The following TGM5 variants were observed in gnomAD, a reference collection of about 807,000 sequenced individuals.
TGM5 encodes transglutaminase 5, also known as protein-glutamine gamma-glutamyltransferase 5.
In TGM5, 69 loss-of-function variants were observed where a neutral mutation model predicts 77.2. The observed-to-expected ratio is 0.89, with a 90% CI of 0.74 to 1.09. The LOEUF (loss-of-function observed/expected upper bound fraction) is 1.09, where lower values mean the gene tolerates loss of function less well. TGM5 is among the 50% of genes least tolerant of loss of function. The probability of loss-of-function intolerance (pLI) is 0.00; values close to 1 mark genes in which losing one functional copy is unlikely to be tolerated. For synonymous variants in TGM5, 346 were observed against 351.8 expected (o/e 0.98, Z 0.18); for missense variants, 842 against 896.5 (o/e 0.94, Z 0.78).
chr15:43,239,210 T>C lies in TGM5; in HGVS notation c.1058A>G (p.Tyr353Cys). 6.2e-7 allele frequency: 1 copy of C among 1,614,092 alleles called. No homozygotes were observed. The highest frequency in any genetic ancestry group is 8.5e-7 in the Non-Finnish European group (1 of 1,180,006). The stretch of plus-strand genomic sequence containing the variant: ...GGCGTCCAGCACCTGCCAGCCTCCA[T>C]ATGCAGGGGGCAGATCCTTCCGGGC... Reference protein sequence around the residue: ...WMARKDLPPAYGGWQVLDATP... With the variant: ...WMARKDLPPACGGWQVLDATP... The change falls in exon 8 of 13, where the codon TAT becomes TGT. Residue 353 changes from tyrosine (Y) to cysteine (C), a missense_variant. Tyr to Cys is a radical substitution (Grantham distance 194, BLOSUM62 -2). Transcript: ENST00000220420.
chr15:43,234,738 C>T (rs748522597), intron 11 of TGM5, 31 bp downstream of exon 11: 3 of 1,613,890 alleles, frequency 1.9e-6, no homozygotes, highest in Non-Finnish European at 2.5e-6. Context: ...TCCAAGGAGC[C>T]CCACAAGCCA....
intron 11 of TGM5, among the ~76,000 whole-genome samples, chr15:43,234,454 C>T (rs1355249343): frequency 6.6e-6 from 1 of 152,228 alleles, no homozygotes; most frequent in Non-Finnish European, 1.5e-5. Context: ...TCTCCCCCGA[C>T]CAGAGACCCT....
At chr15:43,263,281 C>T (rs1237883817) in intron 1 of TGM5, among the ~76,000 whole-genome samples, 1 of 152,204 alleles carries the variant, frequency 6.6e-6, no homozygotes, top group Admixed American at 6.5e-5. Flanking sequence ...AGTTTTTCTG[C>T]AGATTCAACA....
chr15:43,261,183 G>T (rs1319043883), intron 1 of TGM5, among the ~76,000 whole-genome samples: 1 of 147,262 alleles, frequency 6.8e-6, no homozygotes, highest in Non-Finnish European at 1.5e-5. Flanking sequence ...TCCGCCTCCC[G>T]GGTTCACGCC....
chr15:43,261,076 GTTTTTTTTTTTTTTT>G (rs1555384178), intron 1 of TGM5, among the ~76,000 whole-genome samples: 6 of 56,884 alleles, frequency 1.1e-4, no homozygotes, highest in Non-Finnish European at 2.0e-4. Context: ...TTGTGTGTGT[GTTTTTTTTTTTTTTT>G]TTTTTTTTTT....
At chr15:43,248,576 T>C (rs1486686052) in intron 6 of TGM5, among the ~76,000 whole-genome samples, 2 of 152,226 alleles carry the variant, frequency 1.3e-5, no homozygotes, top group African/African-American at 2.4e-5. Flanking sequence ...ATAAAACTTA[T>C]GGGCCAGACA....
chr15:43,259,114 A>T (rs1446255524), intron 3 of TGM5, among the ~76,000 whole-genome samples: 1 of 152,132 alleles, frequency 6.6e-6, no homozygotes, highest in African/African-American at 2.4e-5. Flanking sequence ...TGGTCCCCTA[A>T]GTCAGAAGCC....
intron 7 of TGM5, 143 bp downstream of exon 7, chr15:43,240,706 TGGG>T (rs1367298708): frequency 8.9e-6 from 7 of 784,564 alleles, no homozygotes; most frequent in Non-Finnish European, 1.3e-5. Context: ...ACAGCCTTGG[TGGG>T]GGGTGGGTGG....
intron 10 of TGM5, 152 bp downstream of exon 10, chr15:43,235,317 G>A (rs1440801087): frequency 3.1e-6 from 3 of 971,066 alleles, no homozygotes; most frequent in Non-Finnish European, 4.7e-6. Context: ...AAGGAAGGGG[G>A]AAGGAGAAGA....
At position 43,256,558 on chromosome 15, in the gene TGM5, T is replaced by G; in HGVS notation, c.555+10A>C. 7 of 1,607,076 alleles carry G rather than the reference T, an allele frequency of 4.4e-6. No homozygotes were observed. The highest frequency in any genetic ancestry group is 1.1e-5 in the South Asian group (1 of 90,908). ...GGCCGGGATGGGCCATAAGCAGGGC[T>G]GAGACTCACCTGTCCATAGTTCCAG... On this transcript the variant is annotated intron_variant, in intron 4 of 12. Transcript: ENST00000220420.
Position 43,239,216 on chromosome 15 carries a change from G to C in TGM5, c.1052C>G (p.Pro351Arg). ...CAGCACCTGCCAGCCTCCATATGCA[G>C]GGGGCAGATCCTTCCGGGCCATCCA... ...ECWMARKDLP[P>R]AYGGWQVLDA... Residue 351 changes from proline to arginine, a missense_variant, in exon 8 of 13, where the codon CCT (proline) becomes CGT (arginine). Around this residue, in one of 2 missense-constraint regions of TGM5, gnomAD observed 815 missense variants for 844.6 expected, o/e 0.96. Coordinates refer to ENST00000220420, the MANE Select transcript of TGM5 (RefSeq NM_201631.4). 1 of 1,614,114 alleles carries C rather than the reference G, an allele frequency of 6.2e-7. No individual in the cohort carries two copies. The highest frequency in any genetic ancestry group is 8.5e-7 in the Non-Finnish European group (1 of 1,179,978).
chr15:43,241,935 C>T (rs369955728), intron 6 of TGM5, among the ~76,000 whole-genome samples: 43 of 152,282 alleles, frequency 2.8e-4, no homozygotes, highest in South Asian at 2.7e-3. Context: ...CCACCGCGCC[C>T]GGCCTCTGTG....
intron 2 of TGM5, 26 bp downstream of exon 2, chr15:43,260,374 C>T (rs1232757002): frequency 6.2e-7 from 1 of 1,614,178 alleles, no homozygotes; most frequent in Non-Finnish European, 8.5e-7. Context: ...CACACACAGC[C>T]CCTGTGAGCC....
intron 1 of TGM5, among the ~76,000 whole-genome samples, 182 bp downstream of exon 1, chr15:43,266,658 G>C (rs1381691683): frequency 6.6e-6 from 1 of 152,194 alleles, no homozygotes; most frequent in Non-Finnish European, 1.5e-5. Context: ...CTGCCTCTAC[G>C]CTGTCTCCTG....
intron 6 of TGM5, among the ~76,000 whole-genome samples, chr15:43,246,930 G>T (rs1220427032): frequency 6.6e-6 from 1 of 152,100 alleles, no homozygotes; most frequent in Non-Finnish European, 1.5e-5. Flanking sequence ...TCATAACAAA[G>T]CTTAAAAGCA....
intron 10 of TGM5, 78 bp downstream of exon 10, chr15:43,235,391 C>A: frequency 1.2e-6 from 2 of 1,603,002 alleles, no homozygotes; most frequent in East Asian, 2.2e-5. Flanking sequence ...GGTCTGCCCC[C>A]AGAACCCTGT....
At chr15:43,253,663 C>A in intron 4 of TGM5, 29 bp from the exon 5 acceptor site, 1 of 1,609,424 alleles carries the variant, frequency 6.2e-7, no homozygotes. Context: ...AGAGGGAAGG[C>A]ACCCATGCTT....
At chr15:43,262,425 G>C (rs947126152) in intron 1 of TGM5, among the ~76,000 whole-genome samples, 27 of 152,184 alleles carry the variant, frequency 1.8e-4, no homozygotes, top group African/African-American at 6.3e-4. Flanking sequence ...CTTTTTCAAA[G>C]TGAATCAGCG....
chr15:43,234,964 C>T (rs988119198), intron 10 of TGM5, 35 bp from the exon 11 acceptor site: 2 of 1,611,962 alleles, frequency 1.2e-6, no homozygotes, highest in Non-Finnish European at 1.7e-6. Context: ...GTGAGAGTAG[C>T]TGAGAAAATC....
Sources: gnomAD v4.1 joint callset for allele counts (sites outside exome capture counted in the v4.1 genomes callset) on GRCh38, gnomAD v4.1.1 for gene constraint, gnomAD v4.1.1 regional missense constraint, MANE v1.5 for transcripts, NCBI Gene and HGNC (gene_info 2026-07-23, HGNC 2026-07-21) for gene names.